SS18: variants seen among roughly 807,000 people sequenced by gnomAD.
SS18 encodes the protein protein SSXT.
In SS18, 28 loss-of-function variants were observed where a neutral mutation model predicts 72.5. That is an observed-to-expected ratio of 0.39 (90% CI 0.29 to 0.53). The LOEUF (loss-of-function observed/expected upper bound fraction) is 0.53, where lower values mean the gene tolerates loss of function less well. Among genes scored for constraint, SS18 ranks in the 20% least tolerant of loss-of-function variants. The pLI is 0.76. For synonymous variants in SS18, 172 were observed against 164.2 expected (o/e 1.05, Z -0.37); for missense variants, 518 against 535.3 (o/e 0.97, Z 0.32).
intron 3 of SS18, among the ~76,000 whole-genome samples, chr18:26,071,834 A>G (rs547401905): frequency 1.3e-4 from 19 of 149,880 alleles, no homozygotes; most frequent in African/African-American, 4.6e-4. Context: ...TCTCCAGAGG[A>G]AAAAAAAAAG....
chr18:26,065,800 CATATATATATAT>C (rs58222135), intron 3 of SS18, among the ~76,000 whole-genome samples: 13,881 of 55,632 alleles, frequency 0.25, 1,671 homozygotes, highest in East Asian at 0.41. Context: ...CCTACAAATC[CATATATATATAT>C]ATATATATAT....
At chr18:26,042,682 C>A (rs1385858179) in intron 5 of SS18, among the ~76,000 whole-genome samples, 1 of 149,920 alleles carries the variant, frequency 6.7e-6, no homozygotes, top group African/African-American at 2.5e-5. Flanking sequence ...AGTCAAGGAT[C>A]AAATTTATTG....
At chr18:26,025,323 A>G (rs2053426661) in intron 10 of SS18, among the ~76,000 whole-genome samples, 1 of 152,162 alleles carries the variant, frequency 6.6e-6, no homozygotes, top group Non-Finnish European at 1.5e-5. Context: ...AACTGGAAAA[A>G]TAAGAACAAA....
intron 2 of SS18, among the ~76,000 whole-genome samples, chr18:26,080,941 T>A (rs939991186): frequency 2.0e-5 from 3 of 152,072 alleles, no homozygotes; most frequent in African/African-American, 7.2e-5. Flanking sequence ...CATTGATATA[T>A]CATTACTATT....
intron 2 of SS18, chr18:26,082,587 C>G (rs2054544783): frequency 2.4e-6 from 2 of 818,480 alleles, no homozygotes; most frequent in Non-Finnish European, 3.0e-6. Flanking sequence ...AGAAAATGCT[C>G]AAATTAAACA....
chr18:26,055,993 G>A (rs2054014169), intron 4 of SS18, among the ~76,000 whole-genome samples: 2 of 152,112 alleles, frequency 1.3e-5, no homozygotes, highest in South Asian at 2.1e-4. Flanking sequence ...TCTTGACCTC[G>A]TGATCCACCC....
rs779777593 is a variant in SS18 at position 26,032,504 on chromosome 18, C to T, written c.1125G>A (p.Gln375=). The change falls in exon 10 of 11, where the codon CAG becomes CAA. Residue 375 remains glutamine (Q), a synonymous_variant. Coordinates refer to ENST00000415083, the MANE Select transcript of SS18 (RefSeq NM_001007559.3). ...CTTGTCCCTGTGGGTAGTTAGGATA[C>T]TGAGGACCTGGACCACCCTGTGAAG... ...YGPSQGGPGP[Q]YPNYPQGQGQ... The T allele has an allele frequency of 3.1e-6, 5 of 1,613,646 alleles. No homozygotes were observed. The highest frequency in any genetic ancestry group is 4.2e-6 in the Non-Finnish European group (5 of 1,179,820).
At chr18:26,083,414 G>C (rs973717333) in intron 2 of SS18, among the ~76,000 whole-genome samples, 1 of 152,106 alleles carries the variant, frequency 6.6e-6, no homozygotes, top group Non-Finnish European at 1.5e-5. Context: ...CTTAACAATG[G>C]GGATACATTC....
At chr18:26,044,328 A>ATTTT (rs56030633) in intron 5 of SS18, among the ~76,000 whole-genome samples, 12 of 140,480 alleles carry the variant, frequency 8.5e-5, no homozygotes, top group African/African-American at 3.2e-4. Context: ...ATTTTTTTAG[A>ATTTT]TTTTTTTTTT....
intron 4 of SS18, among the ~76,000 whole-genome samples, chr18:26,053,678 A>G (rs1443468410): frequency 2.0e-5 from 3 of 152,170 alleles, no homozygotes; most frequent in African/African-American, 4.8e-5. Flanking sequence ...AGTTCACACA[A>G]AAACTACAAA....
rs10527527 is a variant in SS18, at chr18:26,065,824, T to TATATATATATATATATA, written c.232-8083_232-8082insTATATATATATATATAT. Among the ~76,000 whole-genome samples the TATATATATATATATATA allele has an allele frequency of 6.6e-3, 900 of 136,338 alleles. 2 individuals are homozygous for TATATATATATATATATA. Among genetic ancestry groups the TATATATATATATATATA allele is most frequent in the East Asian group, 9.8e-3 (45 of 4,614 alleles). 89.4% of individuals were successfully genotyped at this position (136,338 alleles called of 152,430 possible). A position where few individuals can be genotyped will look rare whatever the true frequency, so the allele number is the denominator to read the frequency against. ...CCATATATATATATATATATATATA[T>TATATATATATATATATA]GATCATTTTAAAATTTTAAGCCCTT... On this transcript the variant is annotated intron_variant, in intron 3 of 10. Coordinates refer to ENST00000415083, the MANE Select transcript of SS18 (RefSeq NM_001007559.3).
Position 26,025,937 on chromosome 18 carries a change from A to T in SS18, c.1230+6462T>A, listed in dbSNP as rs549760024. On this transcript the variant is annotated intron_variant, in intron 10 of 10. Transcript: ENST00000415083. ...TTGACTTGCCATGGGGTTATGTCCC[A>T]ATTAACCCACTGTAAGCTGAAAATA... Among the ~76,000 whole-genome samples, 3 of 152,248 alleles carry T rather than the reference A, an allele frequency of 2.0e-5. No individual in the cohort carries two copies. In the East Asian group the frequency reaches 5.8e-4, roughly 29 times the overall value.
At chr18:26,056,047 G>A (rs537587643) in intron 4 of SS18, among the ~76,000 whole-genome samples, 52 of 152,202 alleles carry the variant, frequency 3.4e-4, no homozygotes, top group Non-Finnish European at 5.6e-4. Context: ...GTGAGCCACC[G>A]CGCCTGGCCT....
In SS18 at chr18:26,027,495, A is replaced by G. The variant is rs547676718; in HGVS notation, c.1230+4904T>C. On this transcript the variant is annotated intron_variant, in intron 10 of 10. Transcript: ENST00000415083. ...AACCCTGTCTCAACTAAAAATACAA[A>G]TAAAAATAAATAAATAAATAATTAA... Among the ~76,000 whole-genome samples the G allele has an allele frequency of 1.4e-3, 210 of 151,824 alleles. 1 individual carries two copies. The highest frequency in any genetic ancestry group is 4.8e-3 in the African/African-American group (198 of 41,420).
At chr18:26,021,102 C>G (rs963123683) in intron 10 of SS18, among the ~76,000 whole-genome samples, 1 of 152,110 alleles carries the variant, frequency 6.6e-6, no homozygotes. Flanking sequence ...TAGGACCAAA[C>G]AAAACCACAA....
chr18:26,044,453 A>G (rs1054365387), intron 5 of SS18, among the ~76,000 whole-genome samples: 3 of 151,370 alleles, frequency 2.0e-5, no homozygotes, highest in African/African-American at 7.3e-5. Flanking sequence ...CCACCCGAGA[A>G]GCTGAGACTG....
At chr18:26,065,482 C>A (rs1407773657) in intron 3 of SS18, among the ~76,000 whole-genome samples, 2 of 151,762 alleles carry the variant, frequency 1.3e-5, no homozygotes, top group African/African-American at 2.4e-5. Context: ...TATCACATGG[C>A]GAAAAGAAGA....
intron 10 of SS18, among the ~76,000 whole-genome samples, chr18:26,024,235 T>C (rs577197090): frequency 6.6e-6 from 1 of 152,278 alleles, no homozygotes; most frequent in South Asian, 2.1e-4. Flanking sequence ...TATTTAAGGC[T>C]GAGTAGTTAA....
chr18:26,052,692 G>A lies in SS18; in HGVS notation c.539C>T (p.Thr180Ile). 1 of 1,614,120 alleles carries A rather than the reference G, an allele frequency of 6.2e-7. No homozygotes were observed. The highest frequency in any genetic ancestry group is 1.1e-5 in the South Asian group (1 of 91,082). The change falls in exon 5 of 11, where the codon ACA (threonine) becomes ATA (isoleucine). Residue 180 changes from threonine (T) to isoleucine (I), a missense_variant. By Grantham distance (89) the Thr-to-Ile change is moderately conservative. Transcript: ENST00000415083. ...SQSMPVQNQM[T>I]MSQGQPMGNY... ...TCCCATTGGTTGTCCCTGACTCATT[G>A]TCATCTGATTCTGTACTGGCATGCT...
Sources: allele counts gnomAD v4.1 joint callset (sites outside exome capture counted in the v4.1 genomes callset), GRCh38; gene constraint gnomAD v4.1.1; transcripts MANE v1.5; gene names NCBI Gene and HGNC (gene_info 2026-07-23, HGNC 2026-07-21).